WAPL: variants seen among roughly 807,000 people sequenced by gnomAD.
The protein encoded by WAPL is wings apart-like protein homolog.
Under a neutral mutation model 121.0 loss-of-function variants are expected in WAPL, and 5 were observed. The observed-to-expected ratio is 0.04, with a 90% CI of 0.02 to 0.09. The LOEUF (loss-of-function observed/expected upper bound fraction) is 0.09, where lower values mean the gene tolerates loss of function less well. WAPL is among the 10% of genes least tolerant of loss of function. WAPL has a pLI of 1.00. For synonymous variants in WAPL, 480 were observed against 481.5 expected (o/e 1.00, Z 0.04); for missense variants, 999 against 1,410.8 (o/e 0.71, Z 4.68).
intron 5 of WAPL, among the ~76,000 whole-genome samples, chr10:86,473,384 A>G (rs373448290): frequency 6.6e-6 from 1 of 152,198 alleles, no homozygotes; most frequent in Non-Finnish European, 1.5e-5. Context: ...CCTAGAAATC[A>G]TGTATGATAT....
chr10:86,453,039 A>C (rs1335417842), intron 14 of WAPL, among the ~76,000 whole-genome samples, 181 bp downstream of exon 14: 19 of 4,830 alleles, frequency 3.9e-3, no homozygotes, highest in South Asian at 0.016. Context: ...AAAAAAAAAA[A>C]AAAAAAAAAA....
chr10:86,467,675 A>G (rs903799908), intron 8 of WAPL, among the ~76,000 whole-genome samples, 169 bp from the exon 9 acceptor site: 1 of 151,368 alleles, frequency 6.6e-6, no homozygotes, highest in African/African-American at 2.4e-5. Flanking sequence ...CCCTCTAAAA[A>G]ATTTTTTTTT....
At chr10:86,452,238 C>A in intron 14 of WAPL, 107 bp from the exon 15 acceptor site, 4 of 1,018,798 alleles carry the variant, frequency 3.9e-6, no homozygotes, top group Non-Finnish European at 5.6e-6. Context: ...TATCAGTGTT[C>A]TACCACCTAC....
rs987510540 is a variant in WAPL, at chr10:86,436,422, T to C, written c.*1121A>G. ...AAAGTATAACCAGTGGTGTGAATAA[T>C]ACAAGAAAAATTTGCAATGTTATGA... On this transcript the variant is annotated 3_prime_UTR_variant, in exon 19 of 19. Transcript: ENST00000298767. 6.6e-6 allele frequency: 1 copy of C among 152,442 alleles called. No homozygotes were observed. The highest frequency in any genetic ancestry group is 1.5e-5 in the Non-Finnish European group (1 of 67,982). 9.4% of individuals were successfully genotyped at this position (152,442 alleles called of 1,614,324 possible).
chr10:86,445,251 T>C (rs1390240555), intron 16 of WAPL, among the ~76,000 whole-genome samples: 1 of 152,214 alleles, frequency 6.6e-6, no homozygotes, highest in East Asian at 1.9e-4. Context: ...CCTAATAAAA[T>C]GTAAATGTTA....
intron 4 of WAPL, among the ~76,000 whole-genome samples, chr10:86,479,254 CTTGTT>C (rs1202754442): frequency 2.0e-5 from 3 of 152,092 alleles, no homozygotes; most frequent in Non-Finnish European, 4.4e-5. Flanking sequence ...TTCTTTTGTT[CTTGTT>C]TTGTTTTGTT....
At chr10:86,493,750 G>A (rs185540720) in intron 4 of WAPL, among the ~76,000 whole-genome samples, 6 of 151,116 alleles carry the variant, frequency 4.0e-5, no homozygotes, top group Middle Eastern at 3.4e-3. Context: ...GCCTGTAATC[G>A]CTGGACTTTG....
At chr10:86,490,811 C>G (rs1842030866) in intron 4 of WAPL, among the ~76,000 whole-genome samples, 1 of 152,030 alleles carries the variant, frequency 6.6e-6, no homozygotes, top group Non-Finnish European at 1.5e-5. Context: ...ACCTGTAATT[C>G]CAGCACTTTG....
At chr10:86,443,158 G>A in intron 17 of WAPL, 117 bp downstream of exon 17, 1 of 710,402 alleles carries the variant, frequency 1.4e-6, no homozygotes, top group Non-Finnish European at 2.2e-6. Context: ...TGTGGAATAA[G>A]TTGGACATTA....
intron 2 of WAPL, among the ~76,000 whole-genome samples, chr10:86,510,100 A>C (rs1165900213): frequency 9.6e-6 from 1 of 103,766 alleles, no homozygotes; most frequent in Non-Finnish European, 1.8e-5. Flanking sequence ...TTTGAGACAG[A>C]GTCTCGTTCT....
chr10:86,489,019 T>C (rs7077037), intron 4 of WAPL, among the ~76,000 whole-genome samples: 10,488 of 152,298 alleles, frequency 0.069, 673 homozygotes, highest in East Asian at 0.38. Flanking sequence ...CCTGATGTGA[T>C]GCAGCAAGAA....
intron 4 of WAPL, among the ~76,000 whole-genome samples, chr10:86,477,817 C>T (rs762494378): frequency 1.3e-5 from 2 of 151,340 alleles, no homozygotes; most frequent in Non-Finnish European, 2.9e-5. Flanking sequence ...CAGTGGCTCA[C>T]GCCTGTAATC....
intron 4 of WAPL, among the ~76,000 whole-genome samples, chr10:86,489,357 T>C (rs186300573): frequency 6.6e-6 from 1 of 152,220 alleles, no homozygotes; most frequent in African/African-American, 2.4e-5. Flanking sequence ...GATTAGACAA[T>C]GGATTACATC....
chr10:86,521,759 A>T lies in WAPL; in HGVS notation c.-417T>A. On this transcript the variant is annotated 5_prime_UTR_variant, in exon 1 of 19. Coordinates refer to ENST00000298767, the MANE Select transcript of WAPL (RefSeq NM_015045.5). ...AACGCCATTTGCGCTCCCGGCCCCC[A>T]CCTCCTTCCTCCAACAGCCGCTCGC... is the stretch of plus-strand genomic sequence containing the variant. 2.3e-6 allele frequency: 1 copy of T among 444,304 alleles called. No homozygotes were observed. Among genetic ancestry groups the T allele is most frequent in the Non-Finnish European group, 4.6e-6 (1 of 215,726 alleles). The allele number at this position is 444,304 out of a possible 1,614,324, so 27.5% of individuals were successfully genotyped here.
intron 7 of WAPL, among the ~76,000 whole-genome samples, chr10:86,471,923 C>T (rs915280215): frequency 6.6e-6 from 1 of 150,838 alleles, no homozygotes; most frequent in Non-Finnish European, 1.5e-5. Context: ...GTATGAGCCA[C>T]CACACAAGGC....
At chr10:86,437,858 T>G (rs1235193485) in intron 18 of WAPL, 62 bp downstream of exon 18, 1 of 1,291,176 alleles carries the variant, frequency 7.7e-7, no homozygotes, top group Non-Finnish European at 1.1e-6. Flanking sequence ...ATAGTATTTT[T>G]ATGTCTACTG....
intron 2 of WAPL, among the ~76,000 whole-genome samples, chr10:86,503,882 G>A (rs1842293185): frequency 2.0e-5 from 3 of 152,172 alleles, no homozygotes; most frequent in South Asian, 4.1e-4. Context: ...AGAAAATGGC[G>A]CTAGGGGCCA....
At chr10:86,509,931 A>G (rs537869293) in intron 2 of WAPL, among the ~76,000 whole-genome samples, 2 of 151,440 alleles carry the variant, frequency 1.3e-5, no homozygotes, top group African/African-American at 2.4e-5. Context: ...TGCCTGGCTA[A>G]TTTTTGTTAT....
intron 4 of WAPL, among the ~76,000 whole-genome samples, chr10:86,489,241 G>A (rs1340685188): frequency 6.6e-6 from 1 of 152,228 alleles, no homozygotes; most frequent in Non-Finnish European, 1.5e-5. Context: ...TGTGATTCTG[G>A]ATTAGATCAT....
Sources: gnomAD v4.1 joint callset for allele counts (sites outside exome capture counted in the v4.1 genomes callset) on GRCh38, gnomAD v4.1.1 for gene constraint, MANE v1.5 for transcripts, NCBI Gene and HGNC (gene_info 2026-07-23, HGNC 2026-07-21) for gene names.